The following DPP6 variants were observed in gnomAD, a reference collection of about 807,000 sequenced individuals.
The protein encoded by DPP6 is dipeptidyl peptidase like 6.
Under a neutral mutation model 122.6 loss-of-function variants are expected in DPP6, and 69 were observed. The ratio of observed to expected loss-of-function variants is 0.56; its 90% CI spans 0.46 to 0.69. The LOEUF (loss-of-function observed/expected upper bound fraction) is 0.69. Among genes scored for constraint, DPP6 ranks in the 30% least tolerant of loss-of-function variants. DPP6 has a pLI of 0.00. For synonymous variants in DPP6, 418 were observed against 433.1 expected, an observed-to-expected ratio of 0.97 and a Z score of 0.43; for missense variants, 928 against 1,116.9, an observed-to-expected ratio of 0.83 and a Z score of 2.41.
At chr7:154,606,851 G>C (rs755109973) in intron 5 of DPP6, among the ~76,000 whole-genome samples, 2 of 120,724 alleles carry the variant, frequency 1.7e-5, no homozygotes, top group Non-Finnish European at 3.7e-5. Flanking sequence ...AGTTAAAATT[G>C]ATCAAAACTT....
At chr7:154,628,996 T>A (rs529898669) in intron 5 of DPP6, among the ~76,000 whole-genome samples, 1 of 152,264 alleles carries the variant, frequency 6.6e-6, no homozygotes, top group African/African-American at 2.4e-5. Flanking sequence ...GTTTGATTGA[T>A]CTTCTCGGAC....
Position 154,872,702 on chromosome 7 carries a change from C to T in DPP6, c.1883+9C>T, listed in dbSNP as rs750484396. 3.1e-6 allele frequency: 5 copies of T among 1,589,386 alleles called. No homozygotes were observed. The African/African-American group carries it at 4.0e-5, about 13-fold the overall frequency. On this transcript the variant is annotated intron_variant, in intron 19 of 25. Coordinates refer to ENST00000377770, the MANE Select transcript of DPP6 (RefSeq NM_130797.4). ...CCTCTGCTCCTGGTGGTGTAAGTAT[C>T]GTCACATCTGTCTTTCCCTGGTGCT...
At chr7:153,940,790 C>G (rs968385976) in intron 1 of DPP6, among the ~76,000 whole-genome samples, 5 of 152,182 alleles carry the variant, frequency 3.3e-5, no homozygotes, top group Non-Finnish European at 4.4e-5. Context: ...CCTGTCTCTA[C>G]TCTTTAAGCC....
chr7:154,078,086 C>G (rs1803700857), intron 1 of DPP6, among the ~76,000 whole-genome samples: 1 of 152,098 alleles, frequency 6.6e-6, no homozygotes, highest in Non-Finnish European at 1.5e-5. Context: ...CCTTCATGAT[C>G]TCAACTCTCT....
chr7:154,115,230 C>A (rs116591010), intron 1 of DPP6, among the ~76,000 whole-genome samples: 359 of 152,274 alleles, frequency 2.4e-3, no homozygotes, highest in African/African-American at 8.0e-3. Flanking sequence ...GGTGCTGTCC[C>A]CCCTTCTGCC....
At chr7:154,306,366 C>T (rs369355124) in intron 1 of DPP6, among the ~76,000 whole-genome samples, 14 of 152,344 alleles carry the variant, frequency 9.2e-5, no homozygotes, top group African/African-American at 3.4e-4. Flanking sequence ...GTCTTTTAAT[C>T]ATTGCTCAGT....
intron 1 of DPP6, among the ~76,000 whole-genome samples, chr7:154,054,830 G>GT (rs907159317): frequency 3.3e-5 from 5 of 149,380 alleles, no homozygotes; most frequent in African/African-American, 7.4e-5. Flanking sequence ...ACAATGTGCA[G>GT]TTTTTTTCTC....
At chr7:154,210,182 A>G (rs1799665284) in intron 1 of DPP6, among the ~76,000 whole-genome samples, 1 of 152,190 alleles carries the variant, frequency 6.6e-6, no homozygotes, top group African/African-American at 2.4e-5. Flanking sequence ...GCCAAGGGGA[A>G]CCTGTGTGGC....
At chr7:154,575,406 GTGTT>G (rs1586662904) in intron 5 of DPP6, among the ~76,000 whole-genome samples, 183 of 80,680 alleles carry the variant, frequency 2.3e-3, no homozygotes, top group Admixed American at 5.7e-3. Context: ...TGTGTGTGTG[GTGTT>G]TGTGTATGTG....
intron 1 of DPP6, among the ~76,000 whole-genome samples, chr7:154,280,724 ATC>A (rs1367898080): frequency 6.6e-6 from 1 of 152,154 alleles, no homozygotes; most frequent in Non-Finnish European, 1.5e-5. Context: ...TGACATATTT[ATC>A]TTTTCTTAAC....
chr7:154,568,448 TC>T (rs1830902000), intron 5 of DPP6, among the ~76,000 whole-genome samples: 1 of 152,308 alleles, frequency 6.6e-6, no homozygotes. Flanking sequence ...AGCATTCCGT[TC>T]CCAGAAGCCT....
At chr7:154,418,103 G>A (rs139194340) in intron 1 of DPP6, among the ~76,000 whole-genome samples, 1 of 152,258 alleles carries the variant, frequency 6.6e-6, no homozygotes, top group Non-Finnish European at 1.5e-5. Context: ...TTTTCCTTCA[G>A]CCAGAAACCA....
intron 7 of DPP6, among the ~76,000 whole-genome samples, chr7:154,694,796 C>T (rs11760390): frequency 0.018 from 2,810 of 152,290 alleles, 34 homozygotes; most frequent in Non-Finnish European, 0.03. Flanking sequence ...TTTCCCAGGA[C>T]ATTCATGCTG....
At chr7:154,805,315 T>C (rs1302479613) in intron 15 of DPP6, among the ~76,000 whole-genome samples, 1 of 152,110 alleles carries the variant, frequency 6.6e-6, no homozygotes, top group Admixed American at 6.5e-5. Flanking sequence ...AGATTTTTTG[T>C]AGGGAGCAGA....
chr7:154,050,840 A>G (rs932648618), upstream of DPP6, among the ~76,000 whole-genome samples: 12 of 142,864 alleles, frequency 8.4e-5, no homozygotes, highest in Non-Finnish European at 1.7e-4. Flanking sequence ...GTAAAGGGTA[A>G]CTACTGTGGA....
chr7:154,195,419 C>T (rs1798816405), intron 1 of DPP6, among the ~76,000 whole-genome samples: 1 of 152,136 alleles, frequency 6.6e-6, no homozygotes. Context: ...CTGCCGTTGG[C>T]TGGCAGCCTG....
At chr7:154,543,719 T>G (rs1406451079) in intron 4 of DPP6, among the ~76,000 whole-genome samples, 2 of 152,058 alleles carry the variant, frequency 1.3e-5, no homozygotes, top group Non-Finnish European at 2.9e-5. Flanking sequence ...TCAGACCAGG[T>G]GCGGTGGTTC....
chr7:154,697,278 A>T (rs1296193977), intron 7 of DPP6, among the ~76,000 whole-genome samples: 1 of 152,204 alleles, frequency 6.6e-6, no homozygotes, highest in Non-Finnish European at 1.5e-5. Context: ...GGAGGCTTGG[A>T]CAACCCAGGC....
At chr7:154,876,527 T>G in intron 20 of DPP6, 1 of 157,144 alleles carries the variant, frequency 6.4e-6, no homozygotes, top group Non-Finnish European at 1.4e-5. Flanking sequence ...GTCACCCTCG[T>G]TACTGAGAGC....
Sources: gnomAD v4.1 joint callset for allele counts (sites outside exome capture counted in the v4.1 genomes callset) on GRCh38, gnomAD v4.1.1 for gene constraint, MANE v1.5 for transcripts, NCBI Gene and HGNC (gene_info 2026-07-23, HGNC 2026-07-21) for gene names.